Variants in ZNF804B observed in about 807,000 individuals in gnomAD.
ZNF804B encodes zinc finger protein 804B.
In ZNF804B, 80 loss-of-function variants were observed where a neutral mutation model predicts 101.4. The observed-to-expected ratio is 0.79, with a 90% CI of 0.66 to 0.95. The LOEUF (loss-of-function observed/expected upper bound fraction) is 0.95, where lower values mean the gene tolerates loss of function less well. Ranked by LOEUF, ZNF804B falls within the 40% of genes least tolerant of loss-of-function variation. The probability of loss-of-function intolerance (pLI) is 0.00; values close to 1 mark genes in which losing one functional copy is unlikely to be tolerated. For synonymous variants in ZNF804B, 622 were observed against 558.8 expected (o/e 1.11, Z -1.59); for missense variants, 1,673 against 1,561.9 (o/e 1.07, Z -1.20).
At chr7:89,180,457 A>G (rs1302382904) in intron 1 of ZNF804B, among the ~76,000 whole-genome samples, 2 of 152,044 alleles carry the variant, frequency 1.3e-5, no homozygotes, top group Non-Finnish European at 2.9e-5. Flanking sequence ...AATGGTGGGT[A>G]CTGCCTGAAT....
chr7:89,040,094 T>C (rs1172813451), intron 1 of ZNF804B, among the ~76,000 whole-genome samples: 2 of 152,016 alleles, frequency 1.3e-5, no homozygotes, highest in Non-Finnish European at 2.9e-5. Context: ...TCTCTGCTCA[T>C]TCTAGGAGTT....
chr7:88,916,385 A>G (rs945671420), intron 1 of ZNF804B, among the ~76,000 whole-genome samples: 6 of 152,094 alleles, frequency 3.9e-5, no homozygotes, highest in Admixed American at 6.6e-5. Context: ...AGATTCTTGT[A>G]TATTAAAATC....
intron 2 of ZNF804B, among the ~76,000 whole-genome samples, chr7:89,249,894 C>G (rs971568258): frequency 2.0e-5 from 3 of 152,092 alleles, no homozygotes; most frequent in African/African-American, 7.2e-5. Flanking sequence ...GCTAACTAGA[C>G]TAACATAGGT....
chr7:89,040,508 A>T (rs1324095646), intron 1 of ZNF804B, among the ~76,000 whole-genome samples: 1 of 152,106 alleles, frequency 6.6e-6, no homozygotes, highest in Admixed American at 6.6e-5. Context: ...TTTCATTGAT[A>T]CATTGTTTTC....
chr7:88,867,802 T>A (rs140461249), intron 1 of ZNF804B, among the ~76,000 whole-genome samples: 9 of 152,216 alleles, frequency 5.9e-5, no homozygotes, highest in African/African-American at 2.2e-4. Context: ...AGAATAACCA[T>A]ATGAGACAGT....
At chr7:89,295,203 G>C (rs1026274611) in intron 2 of ZNF804B, among the ~76,000 whole-genome samples, 1 of 152,100 alleles carries the variant, frequency 6.6e-6, no homozygotes, top group Non-Finnish European at 1.5e-5. Flanking sequence ...CTTCTTCTGA[G>C]AGTAATTATC....
At chr7:89,126,730 ATTCT>A (rs1295461229) in intron 1 of ZNF804B, among the ~76,000 whole-genome samples, 1 of 151,750 alleles carries the variant, frequency 6.6e-6, no homozygotes. Flanking sequence ...GAGTACGGAG[ATTCT>A]TTATTTATCA....
chr7:88,800,692 TTG>T (rs6150209), intron 1 of ZNF804B, among the ~76,000 whole-genome samples: 9,180 of 146,528 alleles, frequency 0.063, 334 homozygotes, highest in Middle Eastern at 0.11. Context: ...TAGATATGAT[TTG>T]TGTGTGTGTG....
intron 1 of ZNF804B, among the ~76,000 whole-genome samples, chr7:89,073,426 A>C (rs1272570831): frequency 2.6e-5 from 4 of 152,138 alleles, no homozygotes; most frequent in Admixed American, 2.6e-4. Context: ...TATTCCACAT[A>C]AAGTTTTTAT....
At chr7:89,056,615 G>A (rs762800415) in intron 1 of ZNF804B, among the ~76,000 whole-genome samples, 1 of 152,082 alleles carries the variant, frequency 6.6e-6, no homozygotes, top group Non-Finnish European at 1.5e-5. Flanking sequence ...TGTAGGAAAA[G>A]CATAATACCA....
At chr7:89,225,243 G>A (rs1010798910) in intron 2 of ZNF804B, among the ~76,000 whole-genome samples, 1 of 152,074 alleles carries the variant, frequency 6.6e-6, no homozygotes, top group Non-Finnish European at 1.5e-5. Context: ...AGAACTTTGT[G>A]AGCTGGTTGT....
chr7:89,012,939 C>G (rs1447488188), intron 1 of ZNF804B, among the ~76,000 whole-genome samples: 1 of 152,082 alleles, frequency 6.6e-6, no homozygotes, highest in African/African-American at 2.4e-5. Context: ...CTGGGTAGCC[C>G]TCAGGAAACT....
intron 1 of ZNF804B, among the ~76,000 whole-genome samples, chr7:89,118,938 A>G (rs1218961014): frequency 6.6e-6 from 1 of 152,208 alleles, no homozygotes; most frequent in Non-Finnish European, 1.5e-5. Context: ...GACATTAAAG[A>G]AAGTTCAACT....
At chr7:88,887,858 TTTGATA>T (rs1792153994) in intron 1 of ZNF804B, among the ~76,000 whole-genome samples, 1 of 152,102 alleles carries the variant, frequency 6.6e-6, no homozygotes, top group East Asian at 1.9e-4. Flanking sequence ...CAGATGTGGC[TTTGATA>T]TTAAGTTTTA....
chr7:89,035,471 T>C (rs1022587634), intron 1 of ZNF804B, among the ~76,000 whole-genome samples: 2 of 144,184 alleles, frequency 1.4e-5, no homozygotes, highest in African/African-American at 5.2e-5. Flanking sequence ...ATTCTGATGA[T>C]AGGAAATTAT....
At chr7:88,953,761 G>T (rs1793259424) in intron 1 of ZNF804B, among the ~76,000 whole-genome samples, 1 of 151,670 alleles carries the variant, frequency 6.6e-6, no homozygotes, top group South Asian at 2.1e-4. Flanking sequence ...AAAACAAAAA[G>T]GTTGTCTACC....
In ZNF804B at chr7:89,021,272, T is replaced by C. The variant is rs111940760; in HGVS notation, c.109-196883T>C. On this transcript the variant is annotated intron_variant, in intron 1 of 3. Coordinates refer to ENST00000333190, the MANE Select transcript of ZNF804B (RefSeq NM_181646.5). ...AAATGTCTCAGTGGCCTGGGCTGAA[T>C]ATATGGTGGCAATGCTGTGGCTTTG... Among the ~76,000 whole-genome samples, 421 of 152,254 alleles carry C rather than the reference T, an allele frequency of 2.8e-3. 1 individual carries two copies. The highest frequency in any genetic ancestry group is 9.6e-3 in the African/African-American group (400 of 41,560).
At chr7:88,813,763 C>T (rs1790830444) in intron 1 of ZNF804B, among the ~76,000 whole-genome samples, 3 of 152,120 alleles carry the variant, frequency 2.0e-5, no homozygotes, top group Admixed American at 2.0e-4. Flanking sequence ...TTCTTAAGAT[C>T]CACATAAACT....
chr7:89,007,233 T>G (rs1257409609), intron 1 of ZNF804B, among the ~76,000 whole-genome samples: 1 of 151,860 alleles, frequency 6.6e-6, no homozygotes, highest in African/African-American at 2.4e-5. Context: ...CTACCTACGC[T>G]AAATGAGATT....
Sources: allele counts gnomAD v4.1 joint callset (sites outside exome capture counted in the v4.1 genomes callset), GRCh38; gene constraint gnomAD v4.1.1; transcripts MANE v1.5; gene names NCBI Gene and HGNC (gene_info 2026-07-23, HGNC 2026-07-21).